ASPM: variants seen among roughly 807,000 people sequenced by gnomAD.
ASPM encodes the protein assembly factor for spindle microtubules, also known as abnormal spindle-like microcephaly-associated protein.
A neutral mutation model predicts 366.4 loss-of-function variants in ASPM; 256 were observed. That is an observed-to-expected ratio of 0.70 (90% confidence interval 0.63 to 0.77). The LOEUF (loss-of-function observed/expected upper bound fraction) is 0.77, where lower values mean the gene tolerates loss of function less well. ASPM is among the 30% of genes least tolerant of loss of function. The pLI is 0.00. For synonymous variants in ASPM, 1,414 were observed against 1,342.9 expected, an observed-to-expected ratio of 1.05 and a Z score of -1.16; for missense variants, 4,146 against 4,090.4, an observed-to-expected ratio of 1.01 and a Z score of -0.37.
chr1:197,091,102 C>A, intron 22 of ASPM, 61 bp from the exon 23 acceptor site: 2 of 1,281,728 alleles, frequency 1.6e-6, no homozygotes, highest in Non-Finnish European at 1.1e-6. Context: ...AAAAAATATA[C>A]AAATATACAT....
intron 6 of ASPM, among the ~76,000 whole-genome samples, chr1:197,133,038 G>A (rs1348498262): frequency 2.6e-5 from 4 of 152,066 alleles, no homozygotes; most frequent in Non-Finnish European, 4.4e-5. Flanking sequence ...AATAAATTCT[G>A]GAGATCGAAT....
At chr1:197,129,376 A>T in intron 8 of ASPM, 59 bp from the exon 9 acceptor site, 1 of 1,528,980 alleles carries the variant, frequency 6.5e-7, no homozygotes, top group Non-Finnish European at 9.0e-7. Context: ...GTTTCATCTT[A>T]AAATATGATA....
chr1:197,097,214 C>T (rs1656999220), intron 18 of ASPM, among the ~76,000 whole-genome samples: 4 of 151,698 alleles, frequency 2.6e-5, no homozygotes, highest in Admixed American at 6.6e-5. Context: ...GGACACTAGA[C>T]AGATAATCTC....
chr1:197,128,848 T>TAATA (rs1419377065), intron 9 of ASPM, among the ~76,000 whole-genome samples, 183 bp from the exon 10 acceptor site: 2 of 152,168 alleles, frequency 1.3e-5, no homozygotes, highest in African/African-American at 2.4e-5. Context: ...AAGTTGCTCA[T>TAATA]AATAATACAC....
At chr1:197,129,079 T>A in intron 9 of ASPM, 108 bp downstream of exon 9, 2 of 1,289,606 alleles carry the variant, frequency 1.6e-6, no homozygotes, top group Admixed American at 2.0e-5. Flanking sequence ...CTCTGAGTAT[T>A]ATTCTTTGGA....
chr1:197,097,668 G>A (rs1308594726), intron 18 of ASPM, among the ~76,000 whole-genome samples: 1 of 151,526 alleles, frequency 6.6e-6, no homozygotes, highest in Non-Finnish European at 1.5e-5. Context: ...CCCAATACCT[G>A]CCACCTCAGT....
At chr1:197,092,195 A>G (rs1656807216) in intron 21 of ASPM, 139 bp from the exon 22 acceptor site, 3 of 817,390 alleles carry the variant, frequency 3.7e-6, no homozygotes, top group East Asian at 5.4e-5. Flanking sequence ...AATTACTTAT[A>G]TTGTAATTCA....
chr1:197,119,425 A>G (rs554804796), intron 16 of ASPM, among the ~76,000 whole-genome samples: 1 of 152,302 alleles, frequency 6.6e-6, no homozygotes, highest in East Asian at 1.9e-4. Context: ...GGGTCAGGGC[A>G]TTCATGGACA....
chr1:197,101,014 T>C lies in ASPM; in HGVS notation c.8237A>G (p.Gln2746Arg). The change falls in exon 18 of 28, where the codon CAG (glutamine) becomes CGG (arginine). Residue 2746 changes from glutamine to arginine, a missense_variant. By Grantham distance (43) the Gln-to-Arg change is conservative. Around this residue, in one of 3 missense-constraint regions of ASPM, gnomAD observed 3,624 missense variants for 3,591.7 expected, o/e 1.01. Transcript: ENST00000367409. Reference sequence around the variant, plus strand: ...AACTTTCATGCCTCTAAAAGCAGCCTGAATAGTTCGTACAGATTTCTGAAC... The same window carrying C: ...AACTTTCATGCCTCTAAAAGCAGCCCGAATAGTTCGTACAGATTTCTGAAC... ...LAVQKSVRTI[Q>R]AAFRGMKVRQ... 2 of 1,612,390 alleles carry C rather than the reference T, an allele frequency of 1.2e-6. No individual in the cohort carries two copies. The highest frequency in any genetic ancestry group is 1.7e-6 in the Non-Finnish European group (2 of 1,179,104).
chr1:197,123,080 T>C (rs949078802), intron 13 of ASPM, among the ~76,000 whole-genome samples: 2 of 152,160 alleles, frequency 1.3e-5, no homozygotes, highest in African/African-American at 4.8e-5. Flanking sequence ...CACTAACTCA[T>C]GGCCAACAGC....
At position 197,086,917 on chromosome 1, in the gene ASPM, G is replaced by C. The variant is rs1194792753; in HGVS notation, c.10217C>G (p.Thr3406Arg). 1.2e-6 allele frequency: 2 copies of C among 1,611,252 alleles called. No homozygotes were observed. The highest frequency in any genetic ancestry group is 2.7e-5 in the African/African-American group (2 of 74,858). ...AGTATTCATTTTATGTTTATGAGCTGTAAGTTTGTAGAGACTGTAAATACG... is the reference window on the plus strand; with the variant it reads ...AGTATTCATTTTATGTTTATGAGCTCTAAGTTTGTAGAGACTGTAAATACG... ...VDRIYSLYKL[T>R]AHKHKMNTER... The change falls in exon 27 of 28, where the codon ACA becomes AGA. Residue 3406 changes from threonine to arginine, a missense_variant. By Grantham distance (71) the Thr-to-Arg change is moderately conservative. Around this residue, in one of 3 missense-constraint regions of ASPM, gnomAD observed 3,624 missense variants for 3,591.7 expected, o/e 1.01. Transcript: ENST00000367409.
chr1:197,142,775 G>A lies in ASPM; in HGVS notation c.1477C>T (p.Leu493Phe). The A allele has an allele frequency of 6.2e-7, 1 of 1,613,578 alleles. No homozygotes were observed. Residue 493 changes from leucine (L) to phenylalanine (F), a missense_variant, in exon 3 of 28, where the codon CTT becomes TTT. By Grantham distance (22) the Leu-to-Phe change is conservative (BLOSUM62 0). Coordinates refer to ENST00000367409, the MANE Select transcript of ASPM (RefSeq NM_018136.5). ...HNKQPKRRPI[L>F]SATVTKRKAT... ...TTCCTTTTAGTAACAGTGGCAGAAA[G>A]TATTGGACGTCTCTTAGGTTGTTTA...
In ASPM at chr1:197,117,460, T is replaced by C. The variant is rs558487482; in HGVS notation, c.4065+329A>G. 2.4e-3 allele frequency among the ~76,000 whole-genome samples: 367 copies of C among 152,014 alleles called. 4 individuals carry two copies. Among genetic ancestry groups the C allele is most frequent in the Non-Finnish European group, 4.5e-3 (303 of 67,932 alleles). ...AAGTTTCCAGGACTCAAAGCAAAGA[T>C]AAAAAAGAACCTGGTTGGTTATGTG... is the stretch of plus-strand genomic sequence containing the variant. On this transcript the variant is annotated intron_variant, in intron 17 of 27. Coordinates refer to ENST00000367409, the MANE Select transcript of ASPM (RefSeq NM_018136.5).
intron 5 of ASPM, 146 bp from the exon 6 acceptor site, chr1:197,133,741 T>C: frequency 1.1e-6 from 1 of 890,628 alleles, no homozygotes; most frequent in Non-Finnish European, 1.7e-6. Context: ...CAATCTATCA[T>C]CGCAACCTGT....
chr1:197,118,590 C>G (rs1353040517), intron 16 of ASPM, among the ~76,000 whole-genome samples: 1 of 152,104 alleles, frequency 6.6e-6, no homozygotes, highest in Non-Finnish European at 1.5e-5. Flanking sequence ...CCCCCCATAT[C>G]TCTACTTGTT....
chr1:197,128,811 C>A (rs1362327216), intron 9 of ASPM, 146 bp from the exon 10 acceptor site: 1 of 718,656 alleles, frequency 1.4e-6, no homozygotes, highest in Non-Finnish European at 2.2e-6. Context: ...AAACTTCATA[C>A]ATATTTCCAA....
At chr1:197,090,452 C>T in intron 23 of ASPM, 64 bp from the exon 24 acceptor site, 2 of 1,240,592 alleles carry the variant, frequency 1.6e-6, no homozygotes, top group Non-Finnish European at 2.3e-6. Context: ...ATATCTACAT[C>T]TGTTTTCACA....
In ASPM at chr1:197,134,503, A is replaced by G. The variant is rs191929563; in HGVS notation, c.2173+593T>C. Among the ~76,000 whole-genome samples the G allele has an allele frequency of 3.2e-4, 49 of 152,324 alleles. No individual in the cohort carries two copies. In the East Asian group the frequency reaches 8.5e-3, roughly 26 times the overall value. On this transcript the variant is annotated intron_variant, in intron 5 of 27. Coordinates refer to ENST00000367409, the MANE Select transcript of ASPM (RefSeq NM_018136.5). ...TGAACACCAGAATAGGAAAATCATC[A>G]CTTTAAAAGTTAGCCTATATGATGA...
intron 16 of ASPM, among the ~76,000 whole-genome samples, chr1:197,118,770 T>C (rs982835739): frequency 6.6e-6 from 1 of 152,194 alleles, no homozygotes; most frequent in African/African-American, 2.4e-5. Context: ...AATTAGCTTG[T>C]TAGTTTATTG....
Sources: gnomAD v4.1 joint callset for allele counts (sites outside exome capture counted in the v4.1 genomes callset) on GRCh38, gnomAD v4.1.1 for gene constraint, gnomAD v4.1.1 regional missense constraint, MANE v1.5 for transcripts, NCBI Gene and HGNC (gene_info 2026-07-23, HGNC 2026-07-21) for gene names.